MDGA1: variants seen among roughly 807,000 people sequenced by gnomAD.
MDGA1 encodes MAM domain-containing glycosylphosphatidylinositol anchor protein 1.
A neutral mutation model predicts 101.5 loss-of-function variants in MDGA1; 54 were observed. That is an observed-to-expected ratio of 0.53 (90% confidence interval 0.43 to 0.67). The LOEUF is 0.67. Among genes scored for constraint, MDGA1 ranks in the 30% least tolerant of loss-of-function variants. The pLI, the probability that MDGA1 is intolerant of heterozygous loss-of-function variation, is 0.00. For synonymous variants in MDGA1, 533 were observed against 558.3 expected (o/e 0.95, Z 0.64); for missense variants, 1,083 against 1,323.8 (o/e 0.82, Z 2.82).
At chr6:37,678,367 C>T (rs965555120) in intron 1 of MDGA1, among the ~76,000 whole-genome samples, 1 of 152,126 alleles carries the variant, frequency 6.6e-6, no homozygotes, top group Admixed American at 6.5e-5. Context: ...TCTTAGCCCC[C>T]ACTCCCGAGG....
Position 37,647,168 on chromosome 6 carries a change from C to T in MDGA1, c.2046+5G>A. On this transcript the variant is annotated splice_donor_5th_base_variant and intron_variant, in intron 10 of 16. Coordinates refer to ENST00000434837, the MANE Select transcript of MDGA1 (RefSeq NM_153487.4). ...CCCCCAGGCCCCCGCTCCCCCTTGG[C>T]CCACCTGGCGGATGCTGAGTCTGTA... 1 of 1,590,484 alleles carries T rather than the reference C, an allele frequency of 6.3e-7. No individual in the cohort carries two copies. The highest frequency in any genetic ancestry group is 8.6e-7 in the Non-Finnish European group (1 of 1,168,740).
chr6:37,655,674 G>A lies in MDGA1; in HGVS notation c.579+26C>T. On this transcript the variant is annotated intron_variant, in intron 4 of 16. Transcript: ENST00000434837. This position sits in a 1 kb window ranked among gnomAD's most constrained non-coding sequence, Gnocchi z 5.1. Reference sequence around the variant, plus strand: ...CTGTTGGATGCAGGAGAAGTGGTATGGGGCGAGCCAGCTGCCCATCCTGAC... The same window carrying A: ...CTGTTGGATGCAGGAGAAGTGGTATAGGGCGAGCCAGCTGCCCATCCTGAC... 2 of 1,566,712 alleles carry A rather than the reference G, an allele frequency of 1.3e-6. No individual in the cohort carries two copies. Among genetic ancestry groups the A allele is most frequent in the Non-Finnish European group, 1.7e-6 (2 of 1,153,454 alleles).
chr6:37,668,264 A>AAAAGG (rs1554135565), intron 1 of MDGA1, among the ~76,000 whole-genome samples: 1 of 149,760 alleles, frequency 6.7e-6, no homozygotes, highest in Non-Finnish European at 1.5e-5. Flanking sequence ...AAAAAAAAAA[A>AAAAGG]GGTGATCCAG....
rs780482206 is a variant in MDGA1, at chr6:37,638,680, T to G, written c.2537-13A>C. On this transcript the variant is annotated splice_polypyrimidine_tract_variant and intron_variant, in intron 14 of 16. Transcript: ENST00000434837. The surrounding 1 kb of genome is among the most constrained non-coding windows in gnomAD (Gnocchi z 4.8). ...AGGTTGAGGGAGCCTGCGGTGGGTG[T>G]GAAGACAGTGGGCAGTGAGATCTGG... 14 of 1,608,538 alleles carry G rather than the reference T, an allele frequency of 8.7e-6. No individual in the cohort carries two copies. Among genetic ancestry groups the G allele is most frequent in the Non-Finnish European group, 1.2e-5 (14 of 1,177,404 alleles).
Position 37,635,587 on chromosome 6 carries a change from G to A in MDGA1, c.*1781C>T. 5.0e-6 allele frequency: 2 copies of A among 398,662 alleles called. No homozygotes were observed. Among genetic ancestry groups the A allele is most frequent in the Non-Finnish European group, 8.8e-6 (2 of 226,084 alleles). The allele number at this position is 398,662 out of a possible 1,614,324, so 24.7% of individuals were successfully genotyped here. ...TGATAATGATCACACAGGCCTGGCA[G>A]GGGGAGATGGGCAGCCTTTGCCTCG... On this transcript the variant is annotated 3_prime_UTR_variant, in exon 17 of 17. Coordinates refer to ENST00000434837, the MANE Select transcript of MDGA1 (RefSeq NM_153487.4).
At chr6:37,640,801 T>A (rs1764054860) in intron 14 of MDGA1, among the ~76,000 whole-genome samples, 1 of 151,942 alleles carries the variant, frequency 6.6e-6, no homozygotes, top group African/African-American at 2.4e-5. Context: ...GGTATGGGAA[T>A]TGAGGCTAGA....
intron 8 of MDGA1, among the ~76,000 whole-genome samples, chr6:37,649,602 G>A (rs1761308645): frequency 6.6e-6 from 1 of 152,124 alleles, no homozygotes; most frequent in Non-Finnish European, 1.5e-5. Context: ...AGCTAGATGG[G>A]CTGGGTTCAA....
At position 37,638,815 on chromosome 6, in the gene MDGA1, TC is replaced by T. The variant is rs1270544912; in HGVS notation, c.2537-149del. On this transcript the variant is annotated intron_variant, in intron 14 of 16. Transcript: ENST00000434837. This position sits in a 1 kb window ranked among gnomAD's most constrained non-coding sequence, Gnocchi z 4.8. Reference sequence around the variant, plus strand: ...TCCCCATGCCCAGCTGGGTGCAATGTCCCATTCCTGCAGGGACACCCTCAGT... The same window carrying T: ...TCCCCATGCCCAGCTGGGTGCAATGTCCATTCCTGCAGGGACACCCTCAGT... 1.9e-6 allele frequency: 2 copies of T among 1,041,902 alleles called. No homozygotes were observed. The highest frequency in any genetic ancestry group is 2.8e-6 in the Non-Finnish European group (2 of 726,786). 64.5% of individuals were successfully genotyped at this position (1,041,902 alleles called of 1,614,324 possible).
intron 1 of MDGA1, among the ~76,000 whole-genome samples, chr6:37,695,833 C>T (rs1200233967): frequency 2.0e-5 from 3 of 152,222 alleles, no homozygotes; most frequent in Admixed American, 2.0e-4. Flanking sequence ...CCACTGGGCC[C>T]CTGAGAATGA....
In MDGA1 at chr6:37,652,054, G is replaced by T; in HGVS notation, c.1269C>A (p.Pro423=). 6.2e-7 allele frequency: 1 copy of T among 1,610,744 alleles called. No individual in the cohort carries two copies. Among genetic ancestry groups the T allele is most frequent in the South Asian group, 1.1e-5 (1 of 91,036 alleles). Residue 423 remains proline (P), a synonymous_variant, in exon 7 of 17, where the codon CCC becomes CCA. Transcript: ENST00000434837. The surrounding 1 kb of genome is among the most constrained non-coding windows in gnomAD (Gnocchi z 4.3). Reference sequence around the variant, plus strand: ...TGACCTCGACGCTGAGGTCGGGCACGGGTGCCCCTGGGAAAGAAGCCATGC... The same window carrying T: ...TGACCTCGACGCTGAGGTCGGGCACTGGTGCCCCTGGGAAAGAAGCCATGC... ...YLCMASFPGA[P]VPDLSVEVNI... is the part of the protein sequence containing the mutation.
chr6:37,645,757 C>A (rs1186854141), intron 12 of MDGA1, among the ~76,000 whole-genome samples, 176 bp downstream of exon 12: 1 of 152,146 alleles, frequency 6.6e-6, no homozygotes, highest in Non-Finnish European at 1.5e-5. Context: ...CAGATATAAA[C>A]ATCTCCAGCC....
chr6:37,678,509 T>C (rs1003465622), intron 1 of MDGA1, among the ~76,000 whole-genome samples: 9 of 152,136 alleles, frequency 5.9e-5, no homozygotes, highest in Non-Finnish European at 1.2e-4. Flanking sequence ...ACTCCCATCC[T>C]ACTTGGGGTC....
At chr6:37,646,034 G>T in intron 11 of MDGA1, 78 bp from the exon 12 acceptor site, 2 of 1,603,796 alleles carry the variant, frequency 1.2e-6, no homozygotes, top group South Asian at 1.1e-5. Context: ...GGGACCAGAG[G>T]ACAGGGTCCT....
At chr6:37,690,934 T>C (rs1762296597) in intron 1 of MDGA1, among the ~76,000 whole-genome samples, 1 of 151,832 alleles carries the variant, frequency 6.6e-6, no homozygotes, top group Non-Finnish European at 1.5e-5. Context: ...GGAATGCCCC[T>C]CTCAATCCTT....
At chr6:37,649,374 A>C in intron 8 of MDGA1, 108 bp from the exon 9 acceptor site, 1 of 1,387,496 alleles carries the variant, frequency 7.2e-7, no homozygotes, top group Non-Finnish European at 9.3e-7. Context: ...AGCCCCCGCC[A>C]GGAAAAATCC....
At position 37,658,968 on chromosome 6, in the gene MDGA1, CA is replaced by C. The variant is rs34087406; in HGVS notation, c.208-550del. Among the ~76,000 whole-genome samples the C allele has an allele frequency of 5.0e-3, 548 of 109,454 alleles. 1 individual carries two copies. Among genetic ancestry groups the C allele is most frequent in the African/African-American group, 0.019 (473 of 24,634 alleles). The allele number at this position is 109,454 out of a possible 152,430, so 71.8% of individuals were successfully genotyped here. On this transcript the variant is annotated intron_variant, in intron 2 of 16. Coordinates refer to ENST00000434837, the MANE Select transcript of MDGA1 (RefSeq NM_153487.4). ...CCTGGGCAACGGAGCAAGACTGTTTCAAAAAAAAAAAAAAAAAAAAAGACTG... is the reference window on the plus strand; with the variant it reads ...CCTGGGCAACGGAGCAAGACTGTTTCAAAAAAAAAAAAAAAAAAAAGACTG...
At chr6:37,649,357 T>C (rs1390562402) in intron 8 of MDGA1, 91 bp from the exon 9 acceptor site, 2 of 1,393,870 alleles carry the variant, frequency 1.4e-6, no homozygotes, top group African/African-American at 1.5e-5. Context: ...TCGCCTCTAA[T>C]GCCGTGAGCC....
At chr6:37,640,157 G>T (rs899779813) in intron 14 of MDGA1, among the ~76,000 whole-genome samples, 1 of 152,262 alleles carries the variant, frequency 6.6e-6, no homozygotes, top group African/African-American at 2.4e-5. Context: ...TCTGGAGGAG[G>T]TGGTGTTTTT....
intron 8 of MDGA1, 111 bp downstream of exon 8, chr6:37,649,998 G>T: frequency 7.8e-7 from 1 of 1,277,844 alleles, no homozygotes. Flanking sequence ...ATCAGGAGTA[G>T]CTGGTGGGGT....
Sources: allele counts gnomAD v4.1 joint callset (sites outside exome capture counted in the v4.1 genomes callset), GRCh38; gene constraint gnomAD v4.1.1; non-coding constraint Gnocchi (gnomAD v3.1); transcripts MANE v1.5; gene names NCBI Gene and HGNC (gene_info 2026-07-23, HGNC 2026-07-21).